The following FER1L5 variants were observed in gnomAD, a reference collection of about 807,000 sequenced individuals.
FER1L5 encodes fer-1 like family member 5.
A neutral mutation model predicts 279.9 loss-of-function variants in FER1L5; 187 were observed. That is an observed-to-expected ratio of 0.67 (90% confidence interval 0.59 to 0.75). FER1L5 has a LOEUF of 0.75. Among genes scored for constraint, FER1L5 ranks in the 30% least tolerant of loss-of-function variants. The pLI, the probability that FER1L5 is intolerant of heterozygous loss-of-function variation, is 0.00. For missense variants in FER1L5, 2,091 were observed against 2,594.4 expected, an observed-to-expected ratio of 0.81 and a Z score of 4.21; for synonymous variants, 921 against 989.7, an observed-to-expected ratio of 0.93 and a Z score of 1.30.
chr2:96,666,941 C>T (rs995796900), intron 14 of FER1L5, among the ~76,000 whole-genome samples: 4 of 152,222 alleles, frequency 2.6e-5, no homozygotes, highest in East Asian at 3.9e-4. Flanking sequence ...CATTAGCCAC[C>T]GCATCTGGCC....
chr2:96,684,298 C>T (rs1300800404), intron 19 of FER1L5, 29 bp from the exon 20 acceptor site: 3 of 1,546,136 alleles, frequency 1.9e-6, no homozygotes, highest in Admixed American at 3.9e-5. Context: ...CCCAGACACC[C>T]CATCCCTCCA....
At chr2:96,657,868 T>C (rs1364103332) in intron 9 of FER1L5, among the ~76,000 whole-genome samples, 1 of 152,224 alleles carries the variant, frequency 6.6e-6, no homozygotes, top group Non-Finnish European at 1.5e-5. Context: ...AATGGACATT[T>C]AGATTGCTTC....
Position 96,699,690 on chromosome 2 carries a change from C to T in FER1L5, c.4751C>T (p.Ala1584Val). The change falls in exon 43 of 53, where the codon GCT (alanine) becomes GTT (valine). Residue 1584 changes from alanine (A) to valine (V), a missense_variant. Physicochemically the swap from Ala to Val is moderately conservative, Grantham distance 64. Transcript: ENST00000624922. The stretch of plus-strand genomic sequence containing the variant: ...AACCGACTCCTATCTGGCTTTGGAG[C>T]TCATTGTGGGCTCTCCAAATCCTAC... Reference protein sequence around the residue: ...LENRLLSGFGAHCGLSKSYCQ... With the variant: ...LENRLLSGFGVHCGLSKSYCQ... The T allele has an allele frequency of 6.2e-7, 1 of 1,614,012 alleles. No homozygotes were observed. Among genetic ancestry groups the T allele is most frequent in the Non-Finnish European group, 8.5e-7 (1 of 1,179,892 alleles).
At chr2:96,662,799 A>G (rs1304490417) in intron 13 of FER1L5, among the ~76,000 whole-genome samples, 4 of 152,226 alleles carry the variant, frequency 2.6e-5, no homozygotes, top group Non-Finnish European at 5.9e-5. Flanking sequence ...CGGAGAGAAA[A>G]TAATGTCTAT....
intron 45 of FER1L5, among the ~76,000 whole-genome samples, chr2:96,700,685 G>A (rs972061685): frequency 2.0e-5 from 3 of 152,198 alleles, no homozygotes; most frequent in Non-Finnish European, 4.4e-5. Context: ...AGCTGGAAAG[G>A]TCATCTACAA....
chr2:96,654,122 CT>C (rs2075496814), intron 8 of FER1L5: 2 of 291,262 alleles, frequency 6.9e-6, no homozygotes, highest in South Asian at 2.8e-4. Flanking sequence ...ATTTACTGTT[CT>C]TGGGAACAAA....
At chr2:96,681,045 TTATTA>T (rs1203972816) in intron 19 of FER1L5, among the ~76,000 whole-genome samples, 1 of 152,210 alleles carries the variant, frequency 6.6e-6, no homozygotes, top group Non-Finnish European at 1.5e-5. Context: ...ATAATTATTA[TTATTA>T]TATTAAAAAT....
rs1301833227 is a variant in FER1L5 at position 96,698,504 on chromosome 2, T to C, written c.4357-167T>C. 6.6e-6 allele frequency among the ~76,000 whole-genome samples: 1 copy of C among 152,154 alleles called. No individual in the cohort carries two copies. The highest frequency in any genetic ancestry group is 1.5e-5 in the Non-Finnish European group (1 of 68,014). ...CACCCTGTTTCAACATAGTGGGCCCTGCTGAACACCTTCTGTACCTGCCTC... is the reference window on the plus strand; with the variant it reads ...CACCCTGTTTCAACATAGTGGGCCCCGCTGAACACCTTCTGTACCTGCCTC... On this transcript the variant is annotated intron_variant, in intron 40 of 52. Coordinates refer to ENST00000624922, the MANE Select transcript of FER1L5 (RefSeq NM_001293083.2). This position sits in a 1 kb window ranked among gnomAD's most constrained non-coding sequence, Gnocchi z 5.5.
rs2077485711 is a variant in FER1L5 at position 96,698,925 on chromosome 2, C to A, written c.4518+93C>A. 1.3e-6 allele frequency: 2 copies of A among 1,529,332 alleles called. No homozygotes were observed. Among genetic ancestry groups the A allele is most frequent in the South Asian group, 1.2e-5 (1 of 83,180 alleles). 94.7% of individuals were successfully genotyped at this position (1,529,332 alleles called of 1,614,324 possible). A position where few individuals can be genotyped will look rare whatever the true frequency, so the allele number is the denominator to read the frequency against. On this transcript the variant is annotated intron_variant, in intron 41 of 52. Coordinates refer to ENST00000624922, the MANE Select transcript of FER1L5 (RefSeq NM_001293083.2). This position sits in a 1 kb window ranked among gnomAD's most constrained non-coding sequence, Gnocchi z 5.5. ...CTCCGACTGCTGACACACAGAATGC[C>A]AACTCCCCATAGGCTCCGTGTGGTG...
chr2:96,692,008 G>A (rs1349716309), intron 30 of FER1L5, 45 bp downstream of exon 30: 38 of 565,962 alleles, frequency 6.7e-5, no homozygotes, highest in Non-Finnish European at 1.2e-4. Context: ...CCAGAGGCCA[G>A]TACCCGAGGG....
chr2:96,679,876 G>A (rs2076653632), intron 19 of FER1L5, among the ~76,000 whole-genome samples: 1 of 151,960 alleles, frequency 6.6e-6, no homozygotes, highest in Non-Finnish European at 1.5e-5. Context: ...ATCTCCCGTG[G>A]ACTACTTATG....
chr2:96,683,174 A>G (rs2076793890), intron 19 of FER1L5, among the ~76,000 whole-genome samples: 1 of 152,140 alleles, frequency 6.6e-6, no homozygotes, highest in East Asian at 1.9e-4. Context: ...CTGCTATAAC[A>G]AAGTACTACA....
chr2:96,689,647 C>CCTCCTG lies in FER1L5; in HGVS notation c.2530_2535dup (p.Leu844_Leu845dup), dbSNP rs1404068250. ...CTTGGGGTCTCATTACCCCCAGGCT[C>CCTCCTG]CTCCTGGACATAGACATCAACAAGA... On this transcript the variant is annotated inframe_insertion, in exon 26 of 53. Transcript: ENST00000624922. The surrounding 1 kb of genome is among the most constrained non-coding windows in gnomAD (Gnocchi z 4.6). 1 of 1,550,600 alleles carries CCTCCTG rather than the reference C, an allele frequency of 6.4e-7. No homozygotes were observed. The highest frequency in any genetic ancestry group is 8.7e-7 in the Non-Finnish European group (1 of 1,146,424).
intron 23 of FER1L5, 57 bp downstream of exon 23, chr2:96,686,407 C>A: frequency 6.6e-7 from 1 of 1,504,902 alleles, no homozygotes; most frequent in Non-Finnish European, 8.9e-7. Flanking sequence ...CCCAGGGGAG[C>A]CCCCTGAACT....
chr2:96,661,593 G>A (rs1348684905), intron 11 of FER1L5, 75 bp from the exon 12 acceptor site: 7 of 1,542,868 alleles, frequency 4.5e-6, no homozygotes, highest in East Asian at 2.5e-5. Flanking sequence ...GTGGGAAGTT[G>A]GAGAAGCAAA....
intron 20 of FER1L5, among the ~76,000 whole-genome samples, chr2:96,684,883 C>T (rs967381501): frequency 3.9e-5 from 6 of 152,004 alleles, no homozygotes; most frequent in Non-Finnish European, 7.4e-5. Flanking sequence ...CCTGCAAAGC[C>T]GCGGCAATGT....
intron 31 of FER1L5, among the ~76,000 whole-genome samples, chr2:96,692,416 C>T (rs888977695): frequency 5.3e-5 from 8 of 152,222 alleles, no homozygotes; most frequent in African/African-American, 1.9e-4. Flanking sequence ...TCCCAAGCAG[C>T]TCATGGTCCT....
intron 14 of FER1L5, among the ~76,000 whole-genome samples, chr2:96,664,543 A>T (rs1319624238): frequency 6.6e-6 from 1 of 152,204 alleles, no homozygotes; most frequent in Non-Finnish European, 1.5e-5. Flanking sequence ...TTTTGTTGCT[A>T]AGTAATATTC....
At chr2:96,680,004 T>C (rs114821966) in intron 19 of FER1L5, among the ~76,000 whole-genome samples, 3,753 of 152,228 alleles carry the variant, frequency 0.025, 156 homozygotes, top group African/African-American at 0.085. Flanking sequence ...TGGCACTTTC[T>C]GCAATCTGCC....
Sources: gnomAD v4.1 joint callset for allele counts (sites outside exome capture counted in the v4.1 genomes callset) on GRCh38, gnomAD v4.1.1 for gene constraint, Gnocchi (gnomAD v3.1) non-coding constraint, MANE v1.5 for transcripts, NCBI Gene and HGNC (gene_info 2026-07-23, HGNC 2026-07-21) for gene names.